PRKG1: variants seen among roughly 807,000 people sequenced by gnomAD.
PRKG1 encodes the protein cGMP-dependent protein kinase 1.
In PRKG1, 35 loss-of-function variants were observed where a neutral mutation model predicts 88.1. That is an observed-to-expected ratio of 0.40 (90% confidence interval 0.30 to 0.53). The LOEUF (loss-of-function observed/expected upper bound fraction) is 0.53. PRKG1 is among the 20% of genes least tolerant of loss of function. PRKG1 has a pLI of 0.59. For missense variants in PRKG1, 540 were observed against 839.8 expected (o/e 0.64, Z 4.41); for synonymous variants, 303 against 292.5 (o/e 1.04, Z -0.37).
At chr10:52,036,537 T>A (rs867243387) in intron 5 of PRKG1, among the ~76,000 whole-genome samples, 5 of 151,852 alleles carry the variant, frequency 3.3e-5, no homozygotes, top group African/African-American at 1.2e-4. Flanking sequence ...TAAGGGTGAT[T>A]AGGTTTTAAT....
At chr10:51,262,415 T>A (rs1041526648) in intron 2 of PRKG1, among the ~76,000 whole-genome samples, 1 of 152,164 alleles carries the variant, frequency 6.6e-6, no homozygotes, top group Admixed American at 6.5e-5. Flanking sequence ...ATTGAGATCT[T>A]GAGTGTTCTC....
intron 1 of PRKG1, among the ~76,000 whole-genome samples, chr10:51,117,574 G>A (rs569891004): frequency 2.6e-5 from 4 of 152,276 alleles, no homozygotes; most frequent in Non-Finnish European, 4.4e-5. Context: ...TACTGTGTGG[G>A]TACTGTGTGT....
intron 5 of PRKG1, among the ~76,000 whole-genome samples, chr10:52,050,869 A>G (rs1845972522): frequency 6.6e-6 from 1 of 152,222 alleles, no homozygotes; most frequent in Non-Finnish European, 1.5e-5. Context: ...GAGATTAAGA[A>G]TATAAAAAAT....
intron 4 of PRKG1, among the ~76,000 whole-genome samples, chr10:51,847,726 C>G (rs12250815): frequency 1.3e-5 from 2 of 149,734 alleles, no homozygotes; most frequent in East Asian, 2.0e-4. Flanking sequence ...AGACTAAACT[C>G]TAAGTTGAGT....
intron 5 of PRKG1, among the ~76,000 whole-genome samples, chr10:52,045,904 G>A (rs947539156): frequency 6.6e-6 from 1 of 151,960 alleles, no homozygotes; most frequent in Non-Finnish European, 1.5e-5. Context: ...TCTGACTGTG[G>A]TTATCTGGAA....
intron 7 of PRKG1, among the ~76,000 whole-genome samples, chr10:52,078,943 T>G (rs1389030078): frequency 6.6e-6 from 1 of 152,268 alleles, no homozygotes; most frequent in African/African-American, 2.4e-5. Context: ...TCATGGATCC[T>G]GGGTCTCCCA....
chr10:51,567,699 G>A (rs985825496), intron 3 of PRKG1, among the ~76,000 whole-genome samples: 3 of 152,092 alleles, frequency 2.0e-5, no homozygotes, highest in East Asian at 1.9e-4. Flanking sequence ...CAATTATTGT[G>A]CCTCAGTCTC....
Position 51,850,158 on chromosome 10 carries a change from A to C in PRKG1, c.698+45468A>C, listed in dbSNP as rs116341994. Among the ~76,000 whole-genome samples the C allele has an allele frequency of 8.4e-3, 1,283 of 152,326 alleles. 23 individuals carry two copies. The highest frequency in any genetic ancestry group is 0.029 in the African/African-American group (1,211 of 41,578). On this transcript the variant is annotated intron_variant, in intron 4 of 17. Transcript: ENST00000373980. The stretch of plus-strand genomic sequence containing the variant: ...TACTTGTACCCCAAAGTTTATTGGC[A>C]TAAATTTGACCACTTTCCAATATAT...
intron 9 of PRKG1, among the ~76,000 whole-genome samples, chr10:52,244,776 A>G (rs1445598328): frequency 2.2e-5 from 1 of 44,580 alleles, no homozygotes; most frequent in South Asian, 7.3e-4. Context: ...TTAAATATAT[A>G]CCTTAATATA....
At chr10:51,133,022 A>C (rs1301632474) in intron 1 of PRKG1, among the ~76,000 whole-genome samples, 1 of 152,124 alleles carries the variant, frequency 6.6e-6, no homozygotes, top group Admixed American at 6.6e-5. Flanking sequence ...CTGCATTTTA[A>C]CTTGTCCAAA....
intron 9 of PRKG1, among the ~76,000 whole-genome samples, chr10:52,184,275 C>T (rs1009221744): frequency 6.6e-6 from 1 of 152,104 alleles, no homozygotes; most frequent in African/African-American, 2.4e-5. Flanking sequence ...TTTTAGCCTA[C>T]AAAAATGACA....
intron 5 of PRKG1, among the ~76,000 whole-genome samples, chr10:51,926,191 A>G (rs1040561130): frequency 1.3e-5 from 2 of 152,208 alleles, no homozygotes; most frequent in African/African-American, 4.8e-5. Flanking sequence ...GAAGTGTGCA[A>G]TCAAAATAAT....
chr10:51,938,240 T>C (rs898464260), intron 5 of PRKG1, among the ~76,000 whole-genome samples: 2 of 152,062 alleles, frequency 1.3e-5, no homozygotes, highest in Non-Finnish European at 1.5e-5. Flanking sequence ...TATTAAAGTA[T>C]GTTGTTAAAA....
At chr10:51,675,857 A>G (rs931526665) in intron 3 of PRKG1, among the ~76,000 whole-genome samples, 1 of 152,120 alleles carries the variant, frequency 6.6e-6, no homozygotes, top group African/African-American at 2.4e-5. Flanking sequence ...CCAATAAACT[A>G]CACTTGCCTT....
At chr10:51,313,446 C>T (rs527525531) in intron 2 of PRKG1, among the ~76,000 whole-genome samples, 1 of 152,246 alleles carries the variant, frequency 6.6e-6, no homozygotes, top group Admixed American at 6.5e-5. Flanking sequence ...GTCCAGCCTG[C>T]CCTTTGTCAA....
chr10:51,980,390 T>C (rs1843975888), intron 5 of PRKG1, among the ~76,000 whole-genome samples: 1 of 152,178 alleles, frequency 6.6e-6, no homozygotes, highest in Non-Finnish European at 1.5e-5. Flanking sequence ...AGGAGTGTTT[T>C]GTGTCTGATT....
chr10:51,067,500 A>AT (rs1190784949), intron 1 of PRKG1, among the ~76,000 whole-genome samples: 1 of 152,016 alleles, frequency 6.6e-6, no homozygotes, highest in Non-Finnish European at 1.5e-5. Flanking sequence ...AACAGCAGCA[A>AT]TTGCTTTTAA....
intron 2 of PRKG1, among the ~76,000 whole-genome samples, chr10:51,234,450 G>T (rs527373912): frequency 1.3e-5 from 2 of 152,162 alleles, no homozygotes; most frequent in East Asian, 3.9e-4. Context: ...AACAAATATT[G>T]CTTGAATACA....
At chr10:51,759,920 TTA>T in intron 3 of PRKG1, among the ~76,000 whole-genome samples, 1 of 152,198 alleles carries the variant, frequency 6.6e-6, no homozygotes, top group Admixed American at 6.5e-5. Context: ...AGTTCTAGTT[TTA>T]TTATTGTTGG....
Sources: allele counts gnomAD v4.1 joint callset (sites outside exome capture counted in the v4.1 genomes callset), GRCh38; gene constraint gnomAD v4.1.1; transcripts MANE v1.5; gene names NCBI Gene and HGNC (gene_info 2026-07-23, HGNC 2026-07-21).